The following LMTK2 variants were observed in gnomAD, a reference collection of about 807,000 sequenced individuals.
The protein encoded by LMTK2 is lemur tail kinase 2, also known as serine/threonine-protein kinase LMTK2.
A neutral mutation model predicts 127.5 loss-of-function variants in LMTK2; 37 were observed. That is an observed-to-expected ratio of 0.29 (90% CI 0.22 to 0.38). LMTK2 has a LOEUF of 0.38. Among genes scored for constraint, LMTK2 ranks in the 10% least tolerant of loss-of-function variants. The pLI is 1.00. For missense variants in LMTK2, 1,694 were observed against 1,920.3 expected, an observed-to-expected ratio of 0.88 and a Z score of 2.20; for synonymous variants, 819 against 810.1, an observed-to-expected ratio of 1.01 and a Z score of -0.19.
intron 1 of LMTK2, among the ~76,000 whole-genome samples, chr7:98,133,431 C>T (rs1184659324): frequency 1.3e-5 from 2 of 151,590 alleles, no homozygotes; most frequent in Non-Finnish European, 2.9e-5. Flanking sequence ...TCTGTGGTTT[C>T]TGCAAACCCA....
At chr7:98,181,561 A>G (rs1054940311) in intron 7 of LMTK2, among the ~76,000 whole-genome samples, 1 of 152,254 alleles carries the variant, frequency 6.6e-6, no homozygotes, top group South Asian at 2.1e-4. Context: ...TACAGTAATC[A>G]AAACAGTGTT....
intron 7 of LMTK2, among the ~76,000 whole-genome samples, chr7:98,180,587 A>C (rs1174191676): frequency 6.6e-6 from 1 of 152,224 alleles, no homozygotes; most frequent in African/African-American, 2.4e-5. Flanking sequence ...TGTGTCTTGA[A>C]ATATGCTCTT....
In LMTK2 at chr7:98,192,532, G is replaced by A. The variant is rs764146667; in HGVS notation, c.2067G>A (p.Lys689=). 4.5e-5 allele frequency: 73 copies of A among 1,611,088 alleles called. No homozygotes were observed. Among genetic ancestry groups the A allele is most frequent in the Non-Finnish European group, 5.9e-5 (69 of 1,179,386 alleles). ...TAACAGGCCACTTTGAGAAAGAAAA[G>A]CCCCGTAAGATTTTTGACAGTGAGC... ...SVITGHFEKE[K]PRKIFDSEPL... Residue 689 remains lysine, a synonymous_variant, in exon 11 of 14, where the codon AAG becomes AAA. Transcript: ENST00000297293.
rs761362123 is a variant in LMTK2, at chr7:98,194,306, G to A, written c.3841G>A (p.Gly1281Arg). Residue 1281 changes from glycine to arginine, a missense_variant, in exon 11 of 14, where the codon GGG becomes AGG. Physicochemically the swap from Gly to Arg is moderately radical, Grantham distance 125. This residue lies in a region of LMTK2 where 554 missense variants were observed against 567.7 expected (regional missense o/e 0.98). Coordinates refer to ENST00000297293, the MANE Select transcript of LMTK2 (RefSeq NM_014916.4). The surrounding 1 kb of genome is among the most constrained non-coding windows in gnomAD (Gnocchi z 5.4). ...VSGMLDLSED[G>R]MDADEEDENS... is the part of the protein sequence containing the mutation. Reference sequence around the variant, plus strand: ...AGGGATGCTCGACCTCTCAGAGGACGGGATGGATGCAGACGAGGAGGACGA... The same window carrying A: ...AGGGATGCTCGACCTCTCAGAGGACAGGATGGATGCAGACGAGGAGGACGA... 12 of 1,614,044 alleles carry A rather than the reference G, an allele frequency of 7.4e-6. No individual in the cohort carries two copies. Among genetic ancestry groups the A allele is most frequent in the Admixed American group, 1.7e-5 (1 of 59,998 alleles).
At chr7:98,115,169 C>T (rs976317233) in intron 1 of LMTK2, among the ~76,000 whole-genome samples, 1 of 152,006 alleles carries the variant, frequency 6.6e-6, no homozygotes, top group Non-Finnish European at 1.5e-5. Flanking sequence ...AATCCCAGCA[C>T]GGTGGGAGGT....
intron 9 of LMTK2, among the ~76,000 whole-genome samples, chr7:98,188,980 G>A (rs1387873669): frequency 6.6e-6 from 1 of 152,092 alleles, no homozygotes; most frequent in Non-Finnish European, 1.5e-5. Context: ...CATAAGCCCT[G>A]AAGCCTCCCT....
chr7:98,170,565 G>T (rs142424682), intron 6 of LMTK2, among the ~76,000 whole-genome samples: 1 of 146,186 alleles, frequency 6.8e-6, no homozygotes, highest in African/African-American at 2.5e-5. Flanking sequence ...CCCGCTCCCC[G>T]CCTCCAGCCG....
intron 7 of LMTK2, among the ~76,000 whole-genome samples, chr7:98,180,264 A>G (rs1797335957): frequency 2.6e-5 from 4 of 152,256 alleles, no homozygotes; most frequent in Non-Finnish European, 5.9e-5. Flanking sequence ...GAAAATATGA[A>G]TGTGATAGTT....
At chr7:98,170,409 T>G (rs1797164825) in intron 6 of LMTK2, among the ~76,000 whole-genome samples, 1 of 152,220 alleles carries the variant, frequency 6.6e-6, no homozygotes, top group East Asian at 1.9e-4. Flanking sequence ...GGTAAATGTT[T>G]GTAAAGGAAT....
In LMTK2 at chr7:98,194,110, C is replaced by A; in HGVS notation, c.3645C>A (p.Phe1215Leu). Residue 1215 changes from phenylalanine (F) to leucine (L), a missense_variant, in exon 11 of 14, where the codon TTC becomes TTA. This residue lies in a region of LMTK2 where 554 missense variants were observed against 567.7 expected (regional missense o/e 0.98). Transcript: ENST00000297293. This position sits in a 1 kb window ranked among gnomAD's most constrained non-coding sequence, Gnocchi z 5.4. ...LNAELSSGDDFETQDDRPCTL... is the reference protein window; with the variant it reads ...LNAELSSGDDLETQDDRPCTL... ...CAGAACTTAGCAGCGGCGATGACTT[C>A]GAGACACAGGACGATCGCCCCTGCA... 6.2e-7 allele frequency: 1 copy of A among 1,614,060 alleles called. No individual in the cohort carries two copies.
In LMTK2 at chr7:98,192,016, T is replaced by G; in HGVS notation, c.1551T>G (p.Pro517=). 2 of 1,608,576 alleles carry G rather than the reference T, an allele frequency of 1.2e-6. No individual in the cohort carries two copies. The highest frequency in any genetic ancestry group is 1.7e-6 in the Non-Finnish European group (2 of 1,175,536). The part of the protein sequence containing the change: ...VEVFESSLSD[P]GPGKQDDSGQ... ...TTTTTGAGAGTTCGCTTTCAGATCC[T>G]GGGCCCGGAAAGCAAGATGACAGCG... The change falls in exon 11 of 14, where the codon CCT becomes CCG. Residue 517 remains proline, a synonymous_variant. Transcript: ENST00000297293.
In LMTK2 at chr7:98,112,651, G is replaced by A. The variant is rs114661946; in HGVS notation, c.103+5371G>A. 3.3e-3 allele frequency among the ~76,000 whole-genome samples: 506 copies of A among 152,268 alleles called. 3 individuals carry two copies. The highest frequency in any genetic ancestry group is 0.011 in the African/African-American group (477 of 41,550). On this transcript the variant is annotated intron_variant, in intron 1 of 13. Transcript: ENST00000297293. The stretch of plus-strand genomic sequence containing the variant: ...AGGTACAGTGCCCAGTCCTTGGTTA[G>A]GACATGTAAGGCCAGCTGTGATTAT...
At chr7:98,191,021 G>T in intron 10 of LMTK2, 144 bp downstream of exon 10, 2 of 760,792 alleles carry the variant, frequency 2.6e-6, no homozygotes, top group South Asian at 2.0e-5. Context: ...TACTTAATGT[G>T]GTTGGCAGTG....
Position 98,107,287 on chromosome 7 carries a change from G to A in LMTK2, c.103+7G>A. On this transcript the variant is annotated splice_region_variant and intron_variant, in intron 1 of 13. Coordinates refer to ENST00000297293, the MANE Select transcript of LMTK2 (RefSeq NM_014916.4). ...CTTCCGCAAACAGGTGCAGGTGAGC[G>A]GGCCCGCGGCGGGGACGGGGCTGCG... 3 of 1,349,888 alleles carry A rather than the reference G, an allele frequency of 2.2e-6. No homozygotes were observed. The South Asian group carries it at 5.4e-5, about 24-fold the overall frequency. 83.6% of individuals were successfully genotyped at this position (1,349,888 alleles called of 1,614,324 possible). A position where few individuals can be genotyped will look rare whatever the true frequency, so the allele number is the denominator to read the frequency against.
intron 1 of LMTK2, among the ~76,000 whole-genome samples, chr7:98,125,911 C>T (rs757721777): frequency 3.3e-5 from 5 of 152,184 alleles, no homozygotes; most frequent in African/African-American, 4.8e-5. Context: ...CGGGCCCAGC[C>T]GTCTCTCACC....
In LMTK2 at chr7:98,192,015, C is replaced by G. The variant is rs1279722481; in HGVS notation, c.1550C>G (p.Pro517Arg). The G allele has an allele frequency of 6.2e-7, 1 of 1,608,562 alleles. No individual in the cohort carries two copies. The highest frequency in any genetic ancestry group is 1.1e-5 in the South Asian group (1 of 90,840). ...GTTTTTGAGAGTTCGCTTTCAGATC[C>G]TGGGCCCGGAAAGCAAGATGACAGC... Reference protein sequence around the residue: ...VEVFESSLSDPGPGKQDDSGQ... With the variant: ...VEVFESSLSDRGPGKQDDSGQ... Residue 517 changes from proline to arginine, a missense_variant, in exon 11 of 14, where the codon CCT becomes CGT. Pro to Arg is a moderately radical substitution (Grantham distance 103). Transcript: ENST00000297293.
intron 1 of LMTK2, among the ~76,000 whole-genome samples, chr7:98,119,958 CT>C (rs35434700): frequency 5.3e-5 from 8 of 151,848 alleles, no homozygotes; most frequent in African/African-American, 1.7e-4. Context: ...TTGATAGGTA[CT>C]TTTTTTTAAA....
intron 1 of LMTK2, among the ~76,000 whole-genome samples, chr7:98,136,630 G>A (rs1185180957): frequency 6.6e-6 from 1 of 152,216 alleles, no homozygotes; most frequent in East Asian, 1.9e-4. Context: ...GTGACGCCTG[G>A]TGGGAGCCAC....
At chr7:98,122,732 A>G (rs112680351) in intron 1 of LMTK2, among the ~76,000 whole-genome samples, 848 of 15,634 alleles carry the variant, frequency 0.054, 18 homozygotes, top group South Asian at 0.13. Flanking sequence ...GTGTGTATAT[A>G]TATAACTGGA....
Sources: allele counts gnomAD v4.1 joint callset (sites outside exome capture counted in the v4.1 genomes callset), GRCh38; gene constraint gnomAD v4.1.1; regional missense constraint gnomAD v4.1.1; non-coding constraint Gnocchi (gnomAD v3.1); transcripts MANE v1.5; gene names NCBI Gene and HGNC (gene_info 2026-07-23, HGNC 2026-07-21).